Variants in PDLIM5 observed in about 807,000 individuals in gnomAD.
The protein encoded by PDLIM5 is PDZ and LIM domain protein 5.
Under a neutral mutation model 64.2 loss-of-function variants are expected in PDLIM5, and 34 were observed. The observed-to-expected ratio is 0.53, with a 90% confidence interval of 0.40 to 0.71. The LOEUF is 0.71. Among genes scored for constraint, PDLIM5 ranks in the 30% least tolerant of loss-of-function variants. PDLIM5 has a pLI of 0.00. For missense variants in PDLIM5, 683 were observed against 733.6 expected (o/e 0.93, Z 0.80); for synonymous variants, 253 against 269.1 (o/e 0.94, Z 0.59).
chr4:94,629,841 A>G lies in PDLIM5; in HGVS notation c.1109-10435A>G, dbSNP rs568492412. 9.2e-5 allele frequency among the ~76,000 whole-genome samples: 14 copies of G among 152,334 alleles called. No individual in the cohort carries two copies. In the South Asian group the frequency reaches 2.1e-3, roughly 23 times the overall value. ...GATTTCATTTTTTAAAAATTGCACA[A>G]TCGTCTCCAGAATGTACTTTCCTCT... On this transcript the variant is annotated intron_variant, in intron 8 of 12. Transcript: ENST00000317968.
At chr4:94,515,090 G>A (rs1436795235) in intron 2 of PDLIM5, among the ~76,000 whole-genome samples, 1 of 152,188 alleles carries the variant, frequency 6.6e-6, no homozygotes, top group Non-Finnish European at 1.5e-5. Flanking sequence ...CAGTTCATCA[G>A]ATGTTTATTG....
chr4:94,472,805 A>G (rs1464637781), intron 2 of PDLIM5, among the ~76,000 whole-genome samples: 2 of 152,222 alleles, frequency 1.3e-5, no homozygotes, highest in Admixed American at 6.5e-5. Context: ...TCAGTCATAT[A>G]AATGTAAATT....
intron 2 of PDLIM5, among the ~76,000 whole-genome samples, chr4:94,482,462 T>C (rs572355492): frequency 1.3e-5 from 2 of 152,140 alleles, no homozygotes; most frequent in South Asian, 4.1e-4. Context: ...TCATTTTCGC[T>C]TTTTTATTTA....
At chr4:94,485,677 CA>C (rs796854339) in intron 2 of PDLIM5, among the ~76,000 whole-genome samples, 70 of 139,638 alleles carry the variant, frequency 5.0e-4, no homozygotes, top group South Asian at 6.9e-4. Flanking sequence ...ACTAAAAATA[CA>C]AAAAAAAAAA....
intron 8 of PDLIM5, among the ~76,000 whole-genome samples, chr4:94,628,556 A>T (rs1216587368): frequency 1.3e-5 from 2 of 151,470 alleles, no homozygotes; most frequent in African/African-American, 4.9e-5. Flanking sequence ...TTTTTCCCCT[A>T]CATGATTAGA....
intron 8 of PDLIM5, among the ~76,000 whole-genome samples, chr4:94,623,321 A>G (rs1342130418): frequency 1.3e-5 from 2 of 152,138 alleles, no homozygotes; most frequent in Admixed American, 6.5e-5. Context: ...TCATGAGTTC[A>G]TATCATTCCT....
chr4:94,621,578 A>G (rs1578486729), intron 8 of PDLIM5, among the ~76,000 whole-genome samples: 1 of 152,222 alleles, frequency 6.6e-6, no homozygotes, highest in East Asian at 1.9e-4. Context: ...GAAAGTTTAT[A>G]TACGGCCTTT....
intron 8 of PDLIM5, among the ~76,000 whole-genome samples, chr4:94,626,079 A>C (rs1739670539): frequency 6.6e-6 from 1 of 152,202 alleles, no homozygotes; most frequent in African/African-American, 2.4e-5. Context: ...ATTTCTTTTG[A>C]TCAAACGAAA....
intron 3 of PDLIM5, among the ~76,000 whole-genome samples, chr4:94,532,187 G>A (rs955838441): frequency 1.3e-5 from 2 of 152,122 alleles, no homozygotes; most frequent in African/African-American, 4.8e-5. Context: ...ACTACTACTT[G>A]AGATCATCAT....
chr4:94,511,928 AAC>A lies in PDLIM5; in HGVS notation c.97-11794_97-11793del, dbSNP rs1728916158. ...TCTTGGCTGTTGTGAACACTGCTGC[AAC>A]AAACATGAAAGTGTAGATATCTCTT... On this transcript the variant is annotated intron_variant, in intron 2 of 12. Transcript: ENST00000317968. 2.6e-5 allele frequency among the ~76,000 whole-genome samples: 4 copies of A among 152,172 alleles called. No individual in the cohort carries two copies. The South Asian group carries it at 8.3e-4, about 32-fold the overall frequency.
intron 3 of PDLIM5, among the ~76,000 whole-genome samples, chr4:94,559,705 G>A (rs1370386972): frequency 6.6e-6 from 1 of 152,118 alleles, no homozygotes; most frequent in Non-Finnish European, 1.5e-5. Context: ...CATTAATTGT[G>A]GTATGCAGCT....
intron 3 of PDLIM5, among the ~76,000 whole-genome samples, chr4:94,537,761 TTAAG>T (rs1731438815): frequency 1.3e-5 from 2 of 152,144 alleles, no homozygotes; most frequent in Admixed American, 1.3e-4. Flanking sequence ...TTACAGAGAG[TTAAG>T]TAAGTACTTC....
At chr4:94,470,599 G>T (rs1724783993) in intron 2 of PDLIM5, among the ~76,000 whole-genome samples, 2 of 152,164 alleles carry the variant, frequency 1.3e-5, no homozygotes, top group South Asian at 4.1e-4. Context: ...CTAGTGGAGG[G>T]TGTGTATAAG....
intron 3 of PDLIM5, among the ~76,000 whole-genome samples, chr4:94,537,963 C>T (rs140121007): frequency 2.6e-5 from 4 of 152,126 alleles, no homozygotes; most frequent in South Asian, 2.1e-4. Flanking sequence ...TAAGAATTTT[C>T]GCCATTAAAT....
At chr4:94,566,783 C>A (rs2110258146) in intron 3 of PDLIM5, among the ~76,000 whole-genome samples, 1 of 152,316 alleles carries the variant, frequency 6.6e-6, no homozygotes, top group African/African-American at 2.4e-5. Context: ...AATAAATAGT[C>A]AAACTTCAGA....
At chr4:94,592,959 C>T (rs113820487) in intron 7 of PDLIM5, among the ~76,000 whole-genome samples, 73 of 152,198 alleles carry the variant, frequency 4.8e-4, no homozygotes, top group African/African-American at 1.7e-3. Context: ...ACCTACAGAG[C>T]GCCCTCTCCA....
intron 2 of PDLIM5, among the ~76,000 whole-genome samples, chr4:94,468,002 A>G (rs961231236): frequency 2.0e-5 from 3 of 152,108 alleles, no homozygotes; most frequent in South Asian, 2.1e-4. Flanking sequence ...CTTTAAGTCA[A>G]CTCCTAGAAC....
intron 3 of PDLIM5, 119 bp downstream of exon 3, chr4:94,523,994 A>C: frequency 1.5e-6 from 1 of 647,046 alleles, no homozygotes; most frequent in Non-Finnish European, 2.7e-6. Context: ...TCAGGTAAAT[A>C]AAAAATATAA....
intron 2 of PDLIM5, among the ~76,000 whole-genome samples, chr4:94,516,712 T>G (rs1484267032): frequency 6.6e-6 from 1 of 151,956 alleles, no homozygotes; most frequent in Non-Finnish European, 1.5e-5. Flanking sequence ...TTTAATTTTT[T>G]GTAGAGATAG....
Sources: allele counts gnomAD v4.1 joint callset (sites outside exome capture counted in the v4.1 genomes callset), GRCh38; gene constraint gnomAD v4.1.1; transcripts MANE v1.5; gene names NCBI Gene and HGNC (gene_info 2026-07-23, HGNC 2026-07-21).